CERT1: variants seen among roughly 807,000 people sequenced by gnomAD.
The protein encoded by CERT1 is ceramide transporter 1, also known as ceramide transfer protein.
CERT1 carries 31 observed loss-of-function variants against 87.9 expected under a neutral mutation model. That is an observed-to-expected ratio of 0.35 (90% CI 0.27 to 0.48). The LOEUF is 0.48. CERT1 is among the 20% of genes least tolerant of loss of function. The pLI, the probability that CERT1 is intolerant of heterozygous loss-of-function variation, is 0.99. For synonymous variants in CERT1, 289 were observed against 250.9 expected (o/e 1.15, Z -1.44); for missense variants, 487 against 758.0 (o/e 0.64, Z 4.20).
At chr5:75,431,776 A>G (rs1394085539) in intron 3 of CERT1, among the ~76,000 whole-genome samples, 2 of 152,176 alleles carry the variant, frequency 1.3e-5, no homozygotes, top group African/African-American at 2.4e-5. Context: ...GTAGTATTCC[A>G]TGGGGTATAT....
chr5:75,457,613 GA>G (rs1765040891), intron 3 of CERT1, among the ~76,000 whole-genome samples: 1 of 150,628 alleles, frequency 6.6e-6, no homozygotes, highest in South Asian at 2.1e-4. Flanking sequence ...CTAAAACAAA[GA>G]AAAAAAAGAA....
intron 12 of CERT1, among the ~76,000 whole-genome samples, chr5:75,386,547 A>G (rs147529090): frequency 6.6e-6 from 1 of 152,368 alleles, no homozygotes; most frequent in Non-Finnish European, 1.5e-5. Context: ...CTGAGGTTAC[A>G]TACCTTAAAT....
intron 3 of CERT1, among the ~76,000 whole-genome samples, chr5:75,429,197 A>AATTATT (rs1189870583): frequency 2.0e-4 from 29 of 146,712 alleles, no homozygotes; most frequent in African/African-American, 6.0e-4. Context: ...TAATAATAAT[A>AATTATT]ATTATTATTA....
intron 2 of CERT1, among the ~76,000 whole-genome samples, chr5:75,490,480 A>G (rs1766732488): frequency 6.7e-6 from 1 of 148,202 alleles, no homozygotes; most frequent in Non-Finnish European, 1.5e-5. Context: ...TCTTTCTTCA[A>G]CACCTGTACG....
At position 75,457,870 on chromosome 5, in the gene CERT1, G is replaced by A. The variant is rs555357330; in HGVS notation, c.348+1195C>T. On this transcript the variant is annotated intron_variant, in intron 3 of 16. Coordinates refer to ENST00000643780, the MANE Select transcript of CERT1 (RefSeq NM_001379029.1). The stretch of plus-strand genomic sequence containing the variant: ...AATCGTGTTAGCTTTTCTTTCTCAA[G>A]CCAGACTGGTTTTTCTTGGGTGTAT... Among the ~76,000 whole-genome samples the A allele has an allele frequency of 7.3e-5, 11 of 150,348 alleles. No individual in the cohort carries two copies. The East Asian group carries it at 2.2e-3, about 30-fold the overall frequency.
At position 75,455,723 on chromosome 5, in the gene CERT1, T is replaced by G. The variant is rs186403016; in HGVS notation, c.348+3342A>C. Reference sequence around the variant, plus strand: ...AGAACTCAGATTATACACCACAATTTGCAGGAGGTTAGCTCATGGGAATTG... The same window carrying G: ...AGAACTCAGATTATACACCACAATTGGCAGGAGGTTAGCTCATGGGAATTG... On this transcript the variant is annotated intron_variant, in intron 3 of 16. Coordinates refer to ENST00000643780, the MANE Select transcript of CERT1 (RefSeq NM_001379029.1). Among the ~76,000 whole-genome samples, 4 of 152,322 alleles carry G rather than the reference T, an allele frequency of 2.6e-5. No individual in the cohort carries two copies. The East Asian group carries it at 7.7e-4, about 29-fold the overall frequency.
rs536345693 is a variant in CERT1 at position 75,460,529 on chromosome 5, G to T, written c.232-1348C>A. 2.6e-5 allele frequency among the ~76,000 whole-genome samples: 4 copies of T among 152,208 alleles called. No individual in the cohort carries two copies. The East Asian group carries it at 7.7e-4, about 29-fold the overall frequency. On this transcript the variant is annotated intron_variant, in intron 2 of 16. Coordinates refer to ENST00000643780, the MANE Select transcript of CERT1 (RefSeq NM_001379029.1). Reference sequence around the variant, plus strand: ...ATCCTTGTTTTTAATCTCAATAAATGAATTAAAATATGACAGGAATACATC... The same window carrying T: ...ATCCTTGTTTTTAATCTCAATAAATTAATTAAAATATGACAGGAATACATC...
In CERT1 at chr5:75,462,859, G is replaced by A. The variant is rs1765295529; in HGVS notation, c.232-3678C>T. Among the ~76,000 whole-genome samples the A allele has an allele frequency of 2.6e-5, 4 of 151,838 alleles. No individual in the cohort carries two copies. The South Asian group carries it at 6.3e-4, about 24-fold the overall frequency. ...ATACAAAAATTAGCTGGGTGTGGTG[G>A]CGCGCGCCTGTAGTCCCAGCTACTC... is the stretch of plus-strand genomic sequence containing the variant. On this transcript the variant is annotated intron_variant, in intron 2 of 16. Transcript: ENST00000643780.
chr5:75,418,951 T>C (rs1276629252), intron 6 of CERT1, among the ~76,000 whole-genome samples: 3 of 152,238 alleles, frequency 2.0e-5, no homozygotes, highest in Non-Finnish European at 4.4e-5. Flanking sequence ...TTAAATGGTA[T>C]GTCAATTGTA....
intron 5 of CERT1, 64 bp downstream of exon 5, chr5:75,425,297 G>T: frequency 6.8e-7 from 1 of 1,481,266 alleles, no homozygotes; most frequent in Non-Finnish European, 9.3e-7. Context: ...ATTACCCTTT[G>T]AGATCAAGAG....
At chr5:75,473,772 T>C (rs899035839) in intron 2 of CERT1, among the ~76,000 whole-genome samples, 1 of 152,228 alleles carries the variant, frequency 6.6e-6, no homozygotes, top group African/African-American at 2.4e-5. Flanking sequence ...GTAATATATT[T>C]GTTAGCTAGA....
intron 2 of CERT1, among the ~76,000 whole-genome samples, chr5:75,500,635 A>T (rs1340802671): frequency 2.0e-5 from 3 of 152,228 alleles, no homozygotes; most frequent in African/African-American, 7.2e-5. Context: ...GAGAATTAAC[A>T]ACTAGTTTCT....
chr5:75,387,435 G>C (rs373924216), intron 12 of CERT1, among the ~76,000 whole-genome samples: 27 of 151,796 alleles, frequency 1.8e-4, no homozygotes, highest in African/African-American at 6.3e-4. Context: ...CTATCAGCTT[G>C]ATCTTCTTAA....
chr5:75,423,223 C>G (rs1367540163), intron 5 of CERT1, among the ~76,000 whole-genome samples: 2 of 152,212 alleles, frequency 1.3e-5, no homozygotes, highest in African/African-American at 4.8e-5. Context: ...CCTTCTAATA[C>G]TATACGCTAT....
intron 12 of CERT1, among the ~76,000 whole-genome samples, chr5:75,387,272 G>C (rs1761829962): frequency 6.6e-6 from 1 of 152,170 alleles, no homozygotes; most frequent in African/African-American, 2.4e-5. Flanking sequence ...CAAAGGTGCA[G>C]AGCAGGGAGG....
intron 8 of CERT1, among the ~76,000 whole-genome samples, chr5:75,404,240 G>A (rs926357032): frequency 6.8e-6 from 1 of 147,590 alleles, no homozygotes; most frequent in Non-Finnish European, 1.5e-5. Flanking sequence ...TTGACTTAAT[G>A]GAGTTCTTCT....
At chr5:75,460,812 A>G (rs1483044063) in intron 2 of CERT1, among the ~76,000 whole-genome samples, 1 of 152,216 alleles carries the variant, frequency 6.6e-6, no homozygotes, top group East Asian at 1.9e-4. Flanking sequence ...CATTTTCTTT[A>G]GGCTATGAAA....
chr5:75,374,538 C>T (rs753959359), downstream of CERT1: 20 of 716,996 alleles, frequency 2.8e-5, no homozygotes, highest in South Asian at 5.4e-5. Flanking sequence ...CTGCACGAAC[C>T]GTGCCTGATG....
intron 11 of CERT1, among the ~76,000 whole-genome samples, chr5:75,397,210 G>GAAGAC (rs1316145606): frequency 3.3e-5 from 5 of 152,120 alleles, no homozygotes; most frequent in Non-Finnish European, 5.9e-5. Context: ...ACAAATACTT[G>GAAGAC]AAGACCTTAA....
Sources: allele counts gnomAD v4.1 joint callset (sites outside exome capture counted in the v4.1 genomes callset), GRCh38; gene constraint gnomAD v4.1.1; transcripts MANE v1.5; gene names NCBI Gene and HGNC (gene_info 2026-07-23, HGNC 2026-07-21).